SLC46A1: variants seen among roughly 807,000 people sequenced by gnomAD.
SLC46A1 encodes proton-coupled folate transporter.
Under a neutral mutation model 32.1 loss-of-function variants are expected in SLC46A1, and 17 were observed. The ratio of observed to expected loss-of-function variants is 0.53; its 90% CI spans 0.36 to 0.79. The LOEUF (loss-of-function observed/expected upper bound fraction) is 0.79, where lower values mean the gene tolerates loss of function less well. SLC46A1 is among the 30% of genes least tolerant of loss of function. The pLI is 0.00. For synonymous variants in SLC46A1, 240 were observed against 262.7 expected (o/e 0.91, Z 0.84); for missense variants, 517 against 588.2 (o/e 0.88, Z 1.25).
chr17:28,405,827 G>T, intron 1 of SLC46A1, 60 bp downstream of exon 1: 1 of 1,488,658 alleles, frequency 6.7e-7, no homozygotes. Context: ...CCGCCCCTCC[G>T]CTGCCCCCAC....
In SLC46A1 at chr17:28,396,347, C is replaced by T; in HGVS notation, c.*3309G>A. On this transcript the variant is annotated 3_prime_UTR_variant, in exon 5 of 5. Coordinates refer to ENST00000612814, the MANE Select transcript of SLC46A1 (RefSeq NM_080669.6). ...ATTTCCATCGTCCTTTCTGAAGGAA[C>T]AGCTCCTGAAACCAGTCTCCCTGGG... 1 of 1,598,970 alleles carries T rather than the reference C, an allele frequency of 6.3e-7. No homozygotes were observed. The highest frequency in any genetic ancestry group is 2.0e-4 in the Middle Eastern group (1 of 5,054).
chr17:28,400,711 G>A lies in SLC46A1; in HGVS notation c.1221C>T (p.Ser407=), dbSNP rs1462824243. 1.1e-5 allele frequency: 17 copies of A among 1,606,768 alleles called. 1 individual carries two copies. Among genetic ancestry groups the A allele is most frequent in the South Asian group, 4.5e-5 (4 of 89,732 alleles). Residue 407 remains serine (S), a synonymous_variant, in exon 4 of 5, where the codon TCC becomes TCT. Coordinates refer to ENST00000612814, the MANE Select transcript of SLC46A1 (RefSeq NM_080669.6). ...CTGGGTAGAGTGAGTTGAAGATGCC[G>A]GAGGCCGTCAGCATGGCCAGGCTAT... The part of the protein sequence containing the change: ...CVNSLAMLTA[S]GIFNSLYPAT...
intron 1 of SLC46A1, 186 bp from the exon 2 acceptor site, chr17:28,405,654 C>T (rs1380402931): frequency 4.0e-6 from 4 of 995,270 alleles, no homozygotes; most frequent in African/African-American, 3.3e-5. Context: ...GCCCCATTCC[C>T]TTTCCTTTCC....
chr17:28,400,561 T>C, intron 4 of SLC46A1, 49 bp downstream of exon 4: 1 of 1,604,954 alleles, frequency 6.2e-7, no homozygotes, highest in Non-Finnish European at 8.5e-7. Context: ...GAGGAAACTT[T>C]TAAGAGAAAG....
chr17:28,406,034 C>A lies in SLC46A1; in HGVS notation c.81G>T (p.Pro27=), dbSNP rs566104551. 18 of 1,607,428 alleles carry A rather than the reference C, an allele frequency of 1.1e-5. No homozygotes were observed. The highest frequency in any genetic ancestry group is 9.3e-5 in the African/African-American group (7 of 74,968). ...AGGCAAAGTTGGCCAGGAAGACCAG[C>A]GGCTCTACCGGGCCCCGGCACAGCA... The part of the protein sequence containing the change: ...AAVLCRGPVE[P]LVFLANFALV... The change falls in exon 1 of 5, where the codon CCG becomes CCT. Residue 27 remains proline (P), a synonymous_variant. Coordinates refer to ENST00000612814, the MANE Select transcript of SLC46A1 (RefSeq NM_080669.6). The surrounding 1 kb of genome is among the most constrained non-coding windows in gnomAD (Gnocchi z 4.5).
rs542701757 is a variant in SLC46A1, at chr17:28,405,167, C to A, written c.530G>T (p.Arg177Leu). 6 of 1,609,664 alleles carry A rather than the reference C, an allele frequency of 3.7e-6. No homozygotes were observed. Among genetic ancestry groups the A allele is most frequent in the Non-Finnish European group, 5.1e-6 (6 of 1,178,012 alleles). Residue 177 changes from arginine to leucine, a missense_variant, in exon 2 of 5, where the codon CGC (arginine) becomes CTC (leucine). Arg to Leu is a moderately radical substitution (Grantham distance 102). Transcript: ENST00000612814. ...SVADVSSSRS[R>L]TFRMALLEAS... ...TTCCAGCAGGGCCATCCGGAAGGTG[C>A]GGCTGCGACTGGAGCTGACATCTGC...
chr17:28,405,228 A>G lies in SLC46A1; in HGVS notation c.469T>C (p.Phe157Leu). ...AAGCTAGCAGCCAGAAGGCCACCGA[A>G]GTCGCCGAGGAGGGCACAAAGGATG... is the stretch of plus-strand genomic sequence containing the variant. ...GRILCALLGDFGGLLAASFAS... is the reference protein window; with the variant it reads ...GRILCALLGDLGGLLAASFAS... Residue 157 changes from phenylalanine (F) to leucine (L), a missense_variant, in exon 2 of 5, where the codon TTC becomes CTC. Coordinates refer to ENST00000612814, the MANE Select transcript of SLC46A1 (RefSeq NM_080669.6). 1.3e-6 allele frequency: 2 copies of G among 1,593,750 alleles called. No individual in the cohort carries two copies. Among genetic ancestry groups the G allele is most frequent in the East Asian group, 2.3e-5 (1 of 43,580 alleles).
chr17:28,401,036 G>A (rs1419451902), intron 3 of SLC46A1: 119 of 370,130 alleles, frequency 3.2e-4, no homozygotes, highest in Middle Eastern at 2.5e-3. Context: ...GCACATAAAA[G>A]AAAAAAAAAG....
In SLC46A1 at chr17:28,406,181, C is replaced by G. The variant is rs782796764; in HGVS notation, c.-67G>C. The G allele has an allele frequency of 2.5e-6, 3 of 1,208,714 alleles. No homozygotes were observed. Among genetic ancestry groups the G allele is most frequent in the Non-Finnish European group, 2.1e-6 (2 of 940,708 alleles). 74.9% of individuals were successfully genotyped at this position (1,208,714 alleles called of 1,614,324 possible). A position where few individuals can be genotyped will look rare whatever the true frequency, so the allele number is the denominator to read the frequency against. ...GCGCGAGCGACTCGCTGCCTGGGAC[C>G]AGCGACGCGTGGCGTGGGGCTTGCG... On this transcript the variant is annotated 5_prime_UTR_variant, in exon 1 of 5. Coordinates refer to ENST00000612814, the MANE Select transcript of SLC46A1 (RefSeq NM_080669.6). The surrounding 1 kb of genome is among the most constrained non-coding windows in gnomAD (Gnocchi z 4.5).
rs1280324301 is a variant in SLC46A1 at position 28,405,345 on chromosome 17, C to G, written c.352G>C (p.Val118Leu). 6.3e-7 allele frequency: 1 copy of G among 1,589,942 alleles called. No homozygotes were observed. Among genetic ancestry groups the G allele is most frequent in the African/African-American group, 1.3e-5 (1 of 74,388 alleles). Residue 118 changes from valine to leucine, a missense_variant, in exon 2 of 5, where the codon GTG becomes CTG. Val to Leu is a conservative substitution (Grantham distance 32). Transcript: ENST00000612814. ...AGCAGCAGGCCCAGCGAGGCCAGCA[C>G]TAGCAGCGGGCGGCGGCCCACACTG... is the stretch of plus-strand genomic sequence containing the variant. ...SDSVGRRPLL[V>L]LASLGLLLQA...
In SLC46A1 at chr17:28,404,861, G is replaced by T. The variant is rs782077797; in HGVS notation, c.836C>A (p.Thr279Asn). Residue 279 changes from threonine to asparagine, a missense_variant, in exon 2 of 5, where the codon ACT becomes AAT. Thr to Asn is a moderately conservative substitution (Grantham distance 65). Coordinates refer to ENST00000612814, the MANE Select transcript of SLC46A1 (RefSeq NM_080669.6). ...LYSLAIFVVI[T>N]VHFGAQDILT... ...GATGTCCTGGGCCCCAAAGTGCACAGTGATCACCACGAAGATGGCCAGTGA... is the reference window on the plus strand; with the variant it reads ...GATGTCCTGGGCCCCAAAGTGCACATTGATCACCACGAAGATGGCCAGTGA... 6.2e-7 allele frequency: 1 copy of T among 1,614,032 alleles called. No individual in the cohort carries two copies. The highest frequency in any genetic ancestry group is 1.1e-5 in the South Asian group (1 of 91,084).
intron 4 of SLC46A1, chr17:28,400,396 C>T (rs1461380950): frequency 1.7e-6 from 1 of 577,342 alleles, no homozygotes; most frequent in Non-Finnish European, 3.0e-6. Flanking sequence ...CAATGTTAGC[C>T]TGATCCTTCC....
rs1195003987 is a variant in SLC46A1, at chr17:28,395,686, C to T, written c.*3970G>A. Reference sequence around the variant, plus strand: ...AAGACACTCATCACTCAAGAGATTCCAAGGGTTTTAGCAGCTCTGTGCCAG... The same window carrying T: ...AAGACACTCATCACTCAAGAGATTCTAAGGGTTTTAGCAGCTCTGTGCCAG... On this transcript the variant is annotated 3_prime_UTR_variant, in exon 5 of 5. Transcript: ENST00000612814. 7.4e-6 allele frequency: 4 copies of T among 538,972 alleles called. No individual in the cohort carries two copies. The highest frequency in any genetic ancestry group is 1.3e-5 in the Non-Finnish European group (4 of 301,790). The allele number at this position is 538,972 out of a possible 1,614,324, so 33.4% of individuals were successfully genotyped here.
rs781904464 is a variant in SLC46A1, at chr17:28,399,592, C to A, written c.*64G>T. The A allele has an allele frequency of 6.4e-7, 1 of 1,559,730 alleles. No individual in the cohort carries two copies. Among genetic ancestry groups the A allele is most frequent in the South Asian group, 1.1e-5 (1 of 89,378 alleles). On this transcript the variant is annotated 3_prime_UTR_variant, in exon 5 of 5. Coordinates refer to ENST00000612814, the MANE Select transcript of SLC46A1 (RefSeq NM_080669.6). Reference sequence around the variant, plus strand: ...CTGCTGTGGGCTGGGCTTCCAGCTGCAGACCTCCAGTTGCTTGGTGTTCAC... The same window carrying A: ...CTGCTGTGGGCTGGGCTTCCAGCTGAAGACCTCCAGTTGCTTGGTGTTCAC...
rs533089783 is a variant in SLC46A1 at position 28,400,849 on chromosome 17, C to T, written c.1166-83G>A. Reference sequence around the variant, plus strand: ...CACCACCACCTCACAGCTGTGTGACCGGGAGTAGTCACTTAACCTATGTCT... The same window carrying T: ...CACCACCACCTCACAGCTGTGTGACTGGGAGTAGTCACTTAACCTATGTCT... On this transcript the variant is annotated intron_variant, in intron 3 of 4. Coordinates refer to ENST00000612814, the MANE Select transcript of SLC46A1 (RefSeq NM_080669.6). 21 of 1,277,800 alleles carry T rather than the reference C, an allele frequency of 1.6e-5. No individual in the cohort carries two copies. In the East Asian group the frequency reaches 3.8e-4, roughly 23 times the overall value. 79.2% of individuals were successfully genotyped at this position (1,277,800 alleles called of 1,614,324 possible).
Position 28,398,012 on chromosome 17 carries a change from G to A in SLC46A1, c.*1644C>T, listed in dbSNP as rs1301536469. The A allele has an allele frequency of 3.9e-5, 6 of 152,426 alleles. No homozygotes were observed. The highest frequency in any genetic ancestry group is 1.4e-4 in the African/African-American group (6 of 41,456). 9.4% of individuals were successfully genotyped at this position (152,426 alleles called of 1,614,324 possible). ...TGTCTTGGCCAGTGCCAGCCTCGAT[G>A]CTTTGGTTTTGACCCCACCTGATCC... On this transcript the variant is annotated 3_prime_UTR_variant, in exon 5 of 5. Transcript: ENST00000612814.
Position 28,405,953 on chromosome 17 carries a change from G to A in SLC46A1, c.162C>T (p.Asp54=). ...TQYLWHRFSA[D]LGYNGTRQRG... The stretch of plus-strand genomic sequence containing the variant: ...TTTGGCGGGTGCCATTGTAGCCGAG[G>A]TCGGCGCTGAAGCGGTGCCACAGAT... Residue 54 remains aspartate (D), a synonymous_variant, in exon 1 of 5, where the codon GAC becomes GAT. Coordinates refer to ENST00000612814, the MANE Select transcript of SLC46A1 (RefSeq NM_080669.6). 1 of 1,611,464 alleles carries A rather than the reference G, an allele frequency of 6.2e-7. No homozygotes were observed. Among genetic ancestry groups the A allele is most frequent in the Non-Finnish European group, 8.5e-7 (1 of 1,179,252 alleles).
rs1555590931 is a variant in SLC46A1 at position 28,405,334 on chromosome 17, C to A, written c.363G>T (p.Ser121=). The A allele has an allele frequency of 1.3e-6, 2 of 1,590,506 alleles. No individual in the cohort carries two copies. Among genetic ancestry groups the A allele is most frequent in the Non-Finnish European group, 8.6e-7 (1 of 1,169,342 alleles). The part of the protein sequence containing the change: ...VGRRPLLVLA[S]LGLLLQALVS... Reference sequence around the variant, plus strand: ...CTAGGGCCTGGAGCAGCAGGCCCAGCGAGGCCAGCACTAGCAGCGGGCGGC... The same window carrying A: ...CTAGGGCCTGGAGCAGCAGGCCCAGAGAGGCCAGCACTAGCAGCGGGCGGC... Residue 121 remains serine, a synonymous_variant, in exon 2 of 5, where the codon TCG becomes TCT. Coordinates refer to ENST00000612814, the MANE Select transcript of SLC46A1 (RefSeq NM_080669.6).
rs567632194 is a variant in SLC46A1 at position 28,396,282 on chromosome 17, C to T, written c.*3374G>A. 37 of 1,613,820 alleles carry T rather than the reference C, an allele frequency of 2.3e-5. No homozygotes were observed. Among genetic ancestry groups the T allele is most frequent in the Admixed American group, 2.0e-4 (12 of 60,002 alleles). On this transcript the variant is annotated 3_prime_UTR_variant, in exon 5 of 5. Coordinates refer to ENST00000612814, the MANE Select transcript of SLC46A1 (RefSeq NM_080669.6). The stretch of plus-strand genomic sequence containing the variant: ...GAGGGTGCTGCACCCATGGGTCCAA[C>T]CTAACCAGTCCCCAGTTCCCCAGCC...
Sources: allele counts gnomAD v4.1 joint callset, GRCh38; gene constraint gnomAD v4.1.1; non-coding constraint Gnocchi (gnomAD v3.1); transcripts MANE v1.5; gene names NCBI Gene and HGNC (gene_info 2026-07-23, HGNC 2026-07-21).